Variants in COG5 observed in about 807,000 individuals in gnomAD.
COG5 encodes component of oligomeric golgi complex 5.
Under a neutral mutation model 110.4 loss-of-function variants are expected in COG5, and 86 were observed. That is an observed-to-expected ratio of 0.78 (90% confidence interval 0.65 to 0.93). COG5 has a LOEUF of 0.93. COG5 is among the 40% of genes least tolerant of loss of function. The pLI is 0.00. For missense variants in COG5, 1,077 were observed against 987.0 expected (o/e 1.09, Z -1.22); for synonymous variants, 360 against 334.6 (o/e 1.08, Z -0.83).
intron 7 of COG5, among the ~76,000 whole-genome samples, chr7:107,373,925 C>T (rs1814411075): frequency 6.6e-6 from 1 of 152,088 alleles, no homozygotes; most frequent in Admixed American, 6.5e-5. Context: ...GTACATGCTG[C>T]AGACATACAC....
At chr7:107,358,410 G>A (rs749256951) in intron 10 of COG5, among the ~76,000 whole-genome samples, 41 of 152,138 alleles carry the variant, frequency 2.7e-4, no homozygotes, top group Admixed American at 4.6e-4. Context: ...AAACATGAGT[G>A]ACTATACACC....
intron 6 of COG5, among the ~76,000 whole-genome samples, chr7:107,423,235 T>C (rs185976224): frequency 6.6e-5 from 10 of 152,326 alleles, no homozygotes; most frequent in Admixed American, 2.0e-4. Context: ...TATTTGCTTT[T>C]GTAAAAGATT....
At chr7:107,209,707 G>C in intron 21 of COG5, 1 of 540,552 alleles carries the variant, frequency 1.8e-6, no homozygotes, top group South Asian at 8.0e-5. Context: ...TGAGAGGACA[G>C]GGCCATATCT....
chr7:107,382,941 C>T (rs1386434668), intron 7 of COG5, among the ~76,000 whole-genome samples: 2 of 152,160 alleles, frequency 1.3e-5, no homozygotes, highest in Non-Finnish European at 2.9e-5. Flanking sequence ...AGCTGCAACT[C>T]AGAAAGAACA....
chr7:107,326,252 A>T (rs1278255095), intron 10 of COG5, among the ~76,000 whole-genome samples: 1 of 152,216 alleles, frequency 6.6e-6, no homozygotes, highest in Non-Finnish European at 1.5e-5. Context: ...GAACAAGGCC[A>T]GGATGCCCAC....
At chr7:107,424,616 A>C (rs1215849108) in intron 6 of COG5, among the ~76,000 whole-genome samples, 1 of 152,126 alleles carries the variant, frequency 6.6e-6, no homozygotes, top group Non-Finnish European at 1.5e-5. Context: ...CTATGCTTAC[A>C]AAAGACATCA....
chr7:107,215,687 A>T (rs1799474694), intron 19 of COG5, among the ~76,000 whole-genome samples: 3 of 150,482 alleles, frequency 2.0e-5, no homozygotes, highest in African/African-American at 4.9e-5. Context: ...AAACAAACAA[A>T]CCCAGCTATG....
At chr7:107,350,438 A>C (rs148614982) in intron 10 of COG5, among the ~76,000 whole-genome samples, 25 of 152,208 alleles carry the variant, frequency 1.6e-4, no homozygotes, top group African/African-American at 5.8e-4. Flanking sequence ...CTTGTTTCTC[A>C]ATTTTTTATT....
At chr7:107,504,467 T>C (rs111952931) in intron 6 of COG5, among the ~76,000 whole-genome samples, 2,792 of 152,262 alleles carry the variant, frequency 0.018, 37 homozygotes, top group Middle Eastern at 0.048. Context: ...TCTTTTTTTG[T>C]TATGTCCTTT....
chr7:107,456,149 T>C (rs1795658100), intron 6 of COG5, among the ~76,000 whole-genome samples: 2 of 152,222 alleles, frequency 1.3e-5, no homozygotes, highest in East Asian at 1.9e-4. Flanking sequence ...ATTCAGAATA[T>C]TGCTAACCTA....
intron 17 of COG5, among the ~76,000 whole-genome samples, chr7:107,241,392 T>G (rs1487249839): frequency 6.9e-6 from 1 of 144,846 alleles, no homozygotes; most frequent in African/African-American, 2.6e-5. Flanking sequence ...CTTCTGTGCT[T>G]CATATATATA....
intron 6 of COG5, among the ~76,000 whole-genome samples, chr7:107,422,146 A>G (rs1793337880): frequency 6.6e-6 from 1 of 152,196 alleles, no homozygotes; most frequent in African/African-American, 2.4e-5. Context: ...AAATCAATCA[A>G]ACCAAAAGTT....
intron 7 of COG5, among the ~76,000 whole-genome samples, chr7:107,384,573 T>C (rs537348015): frequency 6.6e-6 from 1 of 152,252 alleles, no homozygotes; most frequent in Admixed American, 6.5e-5. Context: ...TCTGAAAGCC[T>C]AAATTTTTGT....
intron 18 of COG5, among the ~76,000 whole-genome samples, chr7:107,232,002 G>C (rs969991393): frequency 6.6e-6 from 1 of 152,154 alleles, no homozygotes; most frequent in Non-Finnish European, 1.5e-5. Flanking sequence ...CCTCAGTGTC[G>C]AGAGAGTTGG....
At chr7:107,303,509 C>T (rs1034315137) in intron 11 of COG5, among the ~76,000 whole-genome samples, 2 of 152,066 alleles carry the variant, frequency 1.3e-5, no homozygotes, top group African/African-American at 4.8e-5. Flanking sequence ...CTCACTGTAG[C>T]CTTGACCTCA....
At chr7:107,369,438 G>A (rs908783568) in intron 8 of COG5, among the ~76,000 whole-genome samples, 2 of 138,742 alleles carry the variant, frequency 1.4e-5, no homozygotes, top group African/African-American at 2.8e-5. Flanking sequence ...CCAGGCTTGA[G>A]TGCAATGGCA....
chr7:107,420,940 A>G (rs1307558169), intron 6 of COG5, among the ~76,000 whole-genome samples: 1 of 152,210 alleles, frequency 6.6e-6, no homozygotes, highest in East Asian at 1.9e-4. Context: ...TAGAATCAAA[A>G]GTCTTCTTTT....
intron 6 of COG5, among the ~76,000 whole-genome samples, chr7:107,419,883 T>G (rs1793156281): frequency 6.6e-6 from 1 of 152,178 alleles, no homozygotes; most frequent in Non-Finnish European, 1.5e-5. Flanking sequence ...TTTATAGTTT[T>G]AAATGGGAAG....
chr7:107,512,559 A>G (rs974915342), intron 6 of COG5, among the ~76,000 whole-genome samples: 2 of 152,202 alleles, frequency 1.3e-5, no homozygotes, highest in African/African-American at 4.8e-5. Context: ...TAAACTTCAT[A>G]TGGAACCAAA....
Sources: gnomAD v4.1 joint callset for allele counts (sites outside exome capture counted in the v4.1 genomes callset) on GRCh38, gnomAD v4.1.1 for gene constraint, MANE v1.5 for transcripts, NCBI Gene and HGNC (gene_info 2026-07-23, HGNC 2026-07-21) for gene names.